The following AGXT2 variants were observed in gnomAD, a reference collection of about 807,000 sequenced individuals.
AGXT2 encodes the protein alanine--glyoxylate aminotransferase 2.
A neutral mutation model predicts 62.5 loss-of-function variants in AGXT2; 61 were observed. The observed-to-expected ratio is 0.98, with a 90% CI of 0.79 to 1.21. AGXT2 has a LOEUF of 1.21. Ranked by LOEUF, AGXT2 falls within the 50% of genes most tolerant of loss-of-function variation. AGXT2 has a pLI of 0.00. For missense variants in AGXT2, 666 were observed against 641.5 expected (o/e 1.04, Z -0.41); for synonymous variants, 243 against 218.7 (o/e 1.11, Z -0.98).
At chr5:35,007,720 T>A (rs556958755) in intron 12 of AGXT2, among the ~76,000 whole-genome samples, 4 of 152,310 alleles carry the variant, frequency 2.6e-5, no homozygotes, top group Admixed American at 2.6e-4. Flanking sequence ...CTTCTATAGA[T>A]ACTATTTTAT....
chr5:35,044,267 G>T (rs1342789173), intron 1 of AGXT2, among the ~76,000 whole-genome samples: 3 of 152,208 alleles, frequency 2.0e-5, no homozygotes, highest in Non-Finnish European at 4.4e-5. Flanking sequence ...ACAGTGTCTG[G>T]TCGGTAGAGA....
chr5:35,011,445 GC>G (rs1171428855), intron 11 of AGXT2, among the ~76,000 whole-genome samples: 1 of 127,340 alleles, frequency 7.9e-6, no homozygotes, highest in African/African-American at 3.1e-5. Context: ...GGGTGACAGA[GC>G]AAGACTCTTT....
intron 1 of AGXT2, among the ~76,000 whole-genome samples, chr5:35,041,602 A>G (rs1767995048): frequency 1.3e-5 from 2 of 152,166 alleles, no homozygotes; most frequent in African/African-American, 4.8e-5. Context: ...AAGTACTCCT[A>G]GGAAAGATGC....
At chr5:35,030,818 G>T (rs1474136263) in intron 7 of AGXT2, among the ~76,000 whole-genome samples, 1 of 152,194 alleles carries the variant, frequency 6.6e-6, no homozygotes, top group African/African-American at 2.4e-5. Context: ...GGTCTGGGAG[G>T]TGCATCAAAC....
chr5:35,046,290 TC>T (rs1768204710), intron 1 of AGXT2, among the ~76,000 whole-genome samples: 1 of 152,200 alleles, frequency 6.6e-6, no homozygotes, highest in African/African-American at 2.4e-5. Flanking sequence ...GCTGGTACTT[TC>T]AGCATAATTT....
chr5:35,029,995 T>C (rs1441428248), intron 7 of AGXT2, among the ~76,000 whole-genome samples: 1 of 152,154 alleles, frequency 6.6e-6, no homozygotes, highest in African/African-American at 2.4e-5. Flanking sequence ...GGTATTCCTA[T>C]CAATAGGTTA....
intron 5 of AGXT2, 22 bp downstream of exon 5, chr5:35,035,200 G>A: frequency 6.2e-7 from 1 of 1,603,702 alleles, no homozygotes; most frequent in Non-Finnish European, 8.5e-7. Context: ...TCCTAAAGTT[G>A]AATATTCCAA....
At chr5:35,024,667 T>C (rs1253430197) in intron 9 of AGXT2, among the ~76,000 whole-genome samples, 1 of 152,182 alleles carries the variant, frequency 6.6e-6, no homozygotes, top group African/African-American at 2.4e-5. Flanking sequence ...TTATTATTAT[T>C]ATTTTAAAAA....
chr5:35,015,198 A>G (rs1200459526), intron 9 of AGXT2, among the ~76,000 whole-genome samples: 4 of 152,114 alleles, frequency 2.6e-5, no homozygotes, highest in Non-Finnish European at 5.9e-5. Flanking sequence ...AGGCTGCCAT[A>G]GAGACTTTCA....
intron 8 of AGXT2, 52 bp downstream of exon 8, chr5:35,026,358 T>C: frequency 4.8e-6 from 7 of 1,453,184 alleles, no homozygotes; most frequent in Non-Finnish European, 6.8e-6. Flanking sequence ...AGTTAAAACT[T>C]TCTGATAATT....
chr5:35,005,918 A>G (rs2112174244), intron 12 of AGXT2, among the ~76,000 whole-genome samples: 1 of 152,314 alleles, frequency 6.6e-6, no homozygotes, highest in East Asian at 1.9e-4. Flanking sequence ...GTAAAACGAG[A>G]ACATTTCCCC....
rs1483298893 is a variant in AGXT2, at chr5:35,036,949, G to C, written c.479C>G (p.Pro160Arg). The C allele has an allele frequency of 1.2e-6, 2 of 1,614,102 alleles. No homozygotes were observed. Among genetic ancestry groups the C allele is most frequent in the Non-Finnish European group, 1.7e-6 (2 of 1,179,990 alleles). Residue 160 changes from proline to arginine, a missense_variant, in exon 4 of 14, where the codon CCT (proline) becomes CGT (arginine). Transcript: ENST00000231420. ...GCAGGAAGAGCATTGTACCTTAAGA[G>C]GCTCAGGAAGAAGTGCGGCAAGCTT... ...AEKLAALLPE[P>R]LKVIFLVNSG...
intron 1 of AGXT2, among the ~76,000 whole-genome samples, chr5:35,042,021 G>A (rs1326427229): frequency 1.3e-5 from 2 of 152,102 alleles, no homozygotes; most frequent in Non-Finnish European, 2.9e-5. Context: ...CATTCGTTGT[G>A]CTTCTGAGAT....
At chr5:35,014,351 G>A (rs1766764830) in intron 9 of AGXT2, among the ~76,000 whole-genome samples, 1 of 149,552 alleles carries the variant, frequency 6.7e-6, no homozygotes, top group African/African-American at 2.5e-5. Context: ...TACTCGGGAG[G>A]CTGAGACAGG....
At chr5:34,999,558 C>T (rs1433502319) in intron 13 of AGXT2, among the ~76,000 whole-genome samples, 3 of 152,150 alleles carry the variant, frequency 2.0e-5, no homozygotes, top group African/African-American at 7.2e-5. Flanking sequence ...AAAAATCACA[C>T]AGCTAGGCTG....
At position 35,032,684 on chromosome 5, in the gene AGXT2, C is replaced by A. The variant is rs867483075; in HGVS notation, c.769+48G>T. On this transcript the variant is annotated intron_variant, in intron 7 of 13. Coordinates refer to ENST00000231420, the MANE Select transcript of AGXT2 (RefSeq NM_031900.4). ...GGATGGGTCTGCCTTTATTCGTGTC[C>A]CTTCCAACTTCCAACACTCCACTGG... 5.4e-6 allele frequency: 8 copies of A among 1,476,754 alleles called. No individual in the cohort carries two copies. The African/African-American group carries it at 9.7e-5, about 18-fold the overall frequency. 91.5% of individuals were successfully genotyped at this position (1,476,754 alleles called of 1,614,324 possible).
chr5:35,024,506 G>A (rs144444011), intron 9 of AGXT2, among the ~76,000 whole-genome samples: 117 of 152,242 alleles, frequency 7.7e-4, no homozygotes, highest in African/African-American at 2.6e-3. Flanking sequence ...CATAGCCAAC[G>A]AATTTTCTTC....
rs754407445 is a variant in AGXT2, at chr5:35,036,938, G to T, written c.486+4C>A. 1 of 1,613,636 alleles carries T rather than the reference G, an allele frequency of 6.2e-7. No individual in the cohort carries two copies. The highest frequency in any genetic ancestry group is 1.1e-5 in the South Asian group (1 of 91,070). On this transcript the variant is annotated splice_donor_region_variant and intron_variant, in intron 4 of 13. Transcript: ENST00000231420. The stretch of plus-strand genomic sequence containing the variant: ...ATTCACCTCCTGCAGGAAGAGCATT[G>T]TACCTTAAGAGGCTCAGGAAGAAGT...
chr5:35,030,553 A>T (rs1299934131), intron 7 of AGXT2, among the ~76,000 whole-genome samples: 2 of 152,182 alleles, frequency 1.3e-5, no homozygotes, highest in Admixed American at 6.5e-5. Context: ...CTGACTTCAG[A>T]TATGCCAAAG....
Sources: gnomAD v4.1 joint callset for allele counts (sites outside exome capture counted in the v4.1 genomes callset) on GRCh38, gnomAD v4.1.1 for gene constraint, MANE v1.5 for transcripts, NCBI Gene and HGNC (gene_info 2026-07-23, HGNC 2026-07-21) for gene names.